The following SVIL variants were observed in gnomAD, a reference collection of about 807,000 sequenced individuals.
The protein encoded by SVIL is supervillin, also known as archvillin.
A neutral mutation model predicts 240.4 loss-of-function variants in SVIL; 101 were observed. The ratio of observed to expected loss-of-function variants is 0.42; its 90% confidence interval spans 0.36 to 0.50. The LOEUF (loss-of-function observed/expected upper bound fraction) is 0.50, where lower values mean the gene tolerates loss of function less well. Among genes scored for constraint, SVIL ranks in the 20% least tolerant of loss-of-function variants. The probability of loss-of-function intolerance (pLI) is 0.01; values close to 1 mark genes in which losing one functional copy is unlikely to be tolerated. For missense variants in SVIL, 2,512 were observed against 2,818.7 expected, an observed-to-expected ratio of 0.89 and a Z score of 2.46; for synonymous variants, 999 against 1,100.0, an observed-to-expected ratio of 0.91 and a Z score of 1.82.
chr10:29,481,798 G>A (rs1176733874), intron 27 of SVIL, 70 bp from the exon 28 acceptor site: 1 of 1,541,456 alleles, frequency 6.5e-7, no homozygotes, highest in East Asian at 2.3e-5. Context: ...CTTAAACAAA[G>A]GAATCTAAAA....
intron 8 of SVIL, 141 bp downstream of exon 8, chr10:29,532,388 T>C: frequency 1.4e-6 from 2 of 1,397,422 alleles, no homozygotes; most frequent in Non-Finnish European, 1.9e-6. Flanking sequence ...TTTTGAGCCA[T>C]TTTCCGCATA....
chr10:29,658,764 TA>T (rs1959077090), intron 2 of SVIL, among the ~76,000 whole-genome samples: 1 of 152,010 alleles, frequency 6.6e-6, no homozygotes, highest in Admixed American at 6.6e-5. Context: ...TTAAAAAAAT[TA>T]AAAACAAAAG....
intron 20 of SVIL, among the ~76,000 whole-genome samples, chr10:29,494,451 A>G (rs1948245948): frequency 6.6e-6 from 1 of 152,234 alleles, no homozygotes; most frequent in African/African-American, 2.4e-5. Flanking sequence ...TCAAGAGATA[A>G]AAGGCTGTTT....
intron 2 of SVIL, among the ~76,000 whole-genome samples, chr10:29,567,909 C>T (rs183517372): frequency 0.015 from 2,317 of 151,322 alleles, 65 homozygotes; most frequent in African/African-American, 0.053. Flanking sequence ...CCCAGCCACT[C>T]GGGAGGCTGA....
At position 29,522,395 on chromosome 10, in the gene SVIL, A is replaced by T. The variant is rs932596966; in HGVS notation, c.3389+15T>A. 3 of 1,613,468 alleles carry T rather than the reference A, an allele frequency of 1.9e-6. No individual in the cohort carries two copies. In the African/African-American group the frequency reaches 4.0e-5, roughly 22 times the overall value. On this transcript the variant is annotated intron_variant, in intron 16 of 37. Transcript: ENST00000355867. ...TCCCCGAGAGAATTACTTTTCGCTCACCGAATCTCATTACCTTTCTTTAAT... is the reference window on the plus strand; with the variant it reads ...TCCCCGAGAGAATTACTTTTCGCTCTCCGAATCTCATTACCTTTCTTTAAT...
intron 1 of SVIL, among the ~76,000 whole-genome samples, chr10:29,625,270 TAAGA>T (rs1423712192): frequency 6.6e-6 from 1 of 152,182 alleles, no homozygotes; most frequent in East Asian, 1.9e-4. Flanking sequence ...AGTCTGAAAG[TAAGA>T]AAGAAGTAAA....
intron 1 of SVIL, among the ~76,000 whole-genome samples, 181 bp downstream of exon 1, chr10:29,634,239 C>A (rs2132960036): frequency 6.6e-6 from 1 of 151,246 alleles, no homozygotes; most frequent in African/African-American, 2.4e-5. Flanking sequence ...GAAATATGCC[C>A]AAGGGTATCT....
intron 17 of SVIL, among the ~76,000 whole-genome samples, chr10:29,512,522 G>A (rs1336521308): frequency 6.6e-6 from 1 of 152,220 alleles, no homozygotes; most frequent in Non-Finnish European, 1.5e-5. Flanking sequence ...GACATAGTGT[G>A]TGTGTGTTGC....
At chr10:29,691,573 TAATA>T (rs756413051) in intron 1 of SVIL, among the ~76,000 whole-genome samples, 1 of 152,318 alleles carries the variant, frequency 6.6e-6, no homozygotes, top group Admixed American at 6.5e-5. Context: ...GTGACCAAAA[TAATA>T]AATAATTTAT....
At chr10:29,734,790 T>G (rs564539924) in intron 1 of SVIL, among the ~76,000 whole-genome samples, 17 of 152,152 alleles carry the variant, frequency 1.1e-4, no homozygotes, top group Admixed American at 9.2e-4. Context: ...TCTGGCGCAG[T>G]AGAGATGCTG....
chr10:29,515,817 A>G (rs1372895804), intron 16 of SVIL, among the ~76,000 whole-genome samples: 6 of 152,028 alleles, frequency 3.9e-5, no homozygotes, highest in Non-Finnish European at 7.4e-5. Flanking sequence ...TCATCGGACG[A>G]TTTCCCTGGT....
At chr10:29,680,271 C>T (rs1481724708) in intron 2 of SVIL, among the ~76,000 whole-genome samples, 1 of 152,202 alleles carries the variant, frequency 6.6e-6, no homozygotes, top group Non-Finnish European at 1.5e-5. Flanking sequence ...TCTGTCCACT[C>T]TCCCCGTCCC....
At chr10:29,491,436 A>C (rs1352273427) in intron 21 of SVIL, among the ~76,000 whole-genome samples, 1 of 152,136 alleles carries the variant, frequency 6.6e-6, no homozygotes, top group South Asian at 2.1e-4. Context: ...GGGAATTTGC[A>C]CGGGCTCCTT....
rs188446366 is a variant in SVIL at position 29,612,632 on chromosome 10, A to G, written c.-201+21788T>C. Among the ~76,000 whole-genome samples, 116 of 152,342 alleles carry G rather than the reference A, an allele frequency of 7.6e-4. 2 individuals carry two copies. The East Asian group carries it at 0.019, about 25-fold the overall frequency. On this transcript the variant is annotated intron_variant, in intron 1 of 37. Coordinates refer to ENST00000355867, the MANE Select transcript of SVIL (RefSeq NM_021738.3). Reference sequence around the variant, plus strand: ...TGCACCCAGAAAACACAAGAAGAGGACATCATGAGTTCTCTTGGATGTTAA... The same window carrying G: ...TGCACCCAGAAAACACAAGAAGAGGGCATCATGAGTTCTCTTGGATGTTAA...
At chr10:29,463,423 CCTGGCTGCG>C in intron 35 of SVIL, 60 bp downstream of exon 35, 2 of 1,535,022 alleles carry the variant, frequency 1.3e-6, no homozygotes, top group Non-Finnish European at 1.8e-6. Flanking sequence ...AAGGGGGTCT[CCTGGCTGCG>C]CATGCCTGAG....
chr10:29,508,619 C>T (rs61129192), intron 17 of SVIL: 13,058 of 353,328 alleles, frequency 0.037, 911 homozygotes, highest in African/African-American at 0.16. Flanking sequence ...CATCCTCGCA[C>T]TTTAAAGTGA....
chr10:29,590,920 A>G (rs899059434), intron 1 of SVIL, among the ~76,000 whole-genome samples: 5 of 152,204 alleles, frequency 3.3e-5, no homozygotes, highest in African/African-American at 7.2e-5. Flanking sequence ...AAACACTCCA[A>G]ATAGAAACCC....
At chr10:29,558,799 G>C (rs1954178277) in intron 3 of SVIL, among the ~76,000 whole-genome samples, 1 of 151,078 alleles carries the variant, frequency 6.6e-6, no homozygotes, top group South Asian at 2.1e-4. Context: ...CTGGTAGCAT[G>C]TATCTGTAAT....
chr10:29,683,405 C>T (rs976888636), intron 2 of SVIL, among the ~76,000 whole-genome samples: 6 of 152,176 alleles, frequency 3.9e-5, no homozygotes, highest in Admixed American at 3.9e-4. Flanking sequence ...TCTGTTCTAT[C>T]AGTCTTAAGG....
Sources: gnomAD v4.1 joint callset for allele counts (sites outside exome capture counted in the v4.1 genomes callset) on GRCh38, gnomAD v4.1.1 for gene constraint, MANE v1.5 for transcripts, NCBI Gene and HGNC (gene_info 2026-07-23, HGNC 2026-07-21) for gene names.